Variants in VPS35L observed in about 807,000 individuals in gnomAD.
VPS35L encodes the protein VPS35 endosomal protein-sorting factor-like.
Under a neutral mutation model 133.0 loss-of-function variants are expected in VPS35L, and 83 were observed. The ratio of observed to expected loss-of-function variants is 0.62; its 90% CI spans 0.52 to 0.75. VPS35L has a LOEUF of 0.75. Among genes scored for constraint, VPS35L ranks in the 30% least tolerant of loss-of-function variants. The pLI is 0.00. For missense variants in VPS35L, 1,083 were observed against 1,206.8 expected (o/e 0.90, Z 1.52); for synonymous variants, 423 against 449.9 (o/e 0.94, Z 0.76).
chr16:19,684,811 C>G (rs1229245580), intron 28 of VPS35L, among the ~76,000 whole-genome samples: 1 of 152,154 alleles, frequency 6.6e-6, no homozygotes, highest in African/African-American at 2.4e-5. Flanking sequence ...AATCCCAGCA[C>G]TTTGGGGGGC....
At chr16:19,627,160 G>A (rs1973290871) in intron 15 of VPS35L, among the ~76,000 whole-genome samples, 1 of 151,882 alleles carries the variant, frequency 6.6e-6, no homozygotes, top group South Asian at 2.1e-4. Flanking sequence ...GCGCATGCCT[G>A]TAATCTCAGT....
intron 6 of VPS35L, among the ~76,000 whole-genome samples, chr16:19,580,592 C>CA (rs1971679045): frequency 6.6e-6 from 1 of 152,042 alleles, no homozygotes; most frequent in South Asian, 2.1e-4. Flanking sequence ...GGGACCGTGC[C>CA]AAGTCATTAC....
chr16:19,585,327 C>T (rs1971828443), intron 7 of VPS35L, among the ~76,000 whole-genome samples: 1 of 152,082 alleles, frequency 6.6e-6, no homozygotes, highest in African/African-American at 2.4e-5. Flanking sequence ...ATGGCTGCAC[C>T]ATTTACCTGA....
chr16:19,573,272 A>G, intron 4 of VPS35L, 31 bp downstream of exon 4: 5 of 1,596,578 alleles, frequency 3.1e-6, no homozygotes, highest in Non-Finnish European at 4.3e-6. Flanking sequence ...TCCAGAGTCT[A>G]CTTTGGAGTT....
chr16:19,572,997 A>G (rs1971428783), intron 3 of VPS35L, 122 bp from the exon 4 acceptor site: 1 of 1,170,444 alleles, frequency 8.5e-7, no homozygotes, highest in Admixed American at 2.9e-5. Context: ...TTATGATAGT[A>G]AACCTTGAGA....
chr16:19,659,897 A>G (rs1313956037), intron 26 of VPS35L, among the ~76,000 whole-genome samples: 1 of 152,214 alleles, frequency 6.6e-6, no homozygotes, highest in Non-Finnish European at 1.5e-5. Flanking sequence ...AATGTTGAAG[A>G]TGGGTAAAGA....
In VPS35L at chr16:19,591,770, C is replaced by G. The variant is rs1236691504; in HGVS notation, c.640-20C>G. 4 of 1,585,282 alleles carry G rather than the reference C, an allele frequency of 2.5e-6. No homozygotes were observed. Among genetic ancestry groups the G allele is most frequent in the South Asian group, 1.1e-5 (1 of 90,502 alleles). ...CCAGACATGCCAGAGTGAATTTTCT[C>G]TTTTTTTCTCTTTTTTTAGTGTTCA... On this transcript the variant is annotated intron_variant, in intron 7 of 30. Coordinates refer to ENST00000417362, the MANE Select transcript of VPS35L (RefSeq NM_020314.7).
Position 19,601,711 on chromosome 16 carries a change from A to C in VPS35L, c.772A>C (p.Ser258Arg). Residue 258 changes from serine to arginine, a missense_variant, in exon 9 of 31, where the codon AGC becomes CGC. Physicochemically the swap from Ser to Arg is moderately radical, Grantham distance 110 (BLOSUM62 -1). Transcript: ENST00000417362. The stretch of plus-strand genomic sequence containing the variant: ...CTTTTCCATGTGTGTGGATAGCCGC[A>C]GCGTCTTACCAGGTAATGTCGCAGC... ...RIFSMCVDSR[S>R]VLPDHFSPEN... is the part of the protein sequence containing the mutation. 6.2e-7 allele frequency: 1 copy of C among 1,614,164 alleles called. No homozygotes were observed. Among genetic ancestry groups the C allele is most frequent in the Non-Finnish European group, 8.5e-7 (1 of 1,180,030 alleles).
At chr16:19,571,384 T>G (rs1971380219) in intron 3 of VPS35L, among the ~76,000 whole-genome samples, 1 of 151,962 alleles carries the variant, frequency 6.6e-6, no homozygotes, top group African/African-American at 2.4e-5. Context: ...ACTCAGCTAA[T>G]TTTGGATTTT....
chr16:19,696,179 C>G (rs116281589), intron 29 of VPS35L, among the ~76,000 whole-genome samples: 1 of 152,142 alleles, frequency 6.6e-6, no homozygotes, highest in Non-Finnish European at 1.5e-5. Context: ...CCACCGTGCC[C>G]GGCTATCCTT....
chr16:19,646,705 T>C (rs1446398683), intron 23 of VPS35L, among the ~76,000 whole-genome samples: 2 of 151,380 alleles, frequency 1.3e-5, no homozygotes, highest in African/African-American at 4.8e-5. Flanking sequence ...ACCCCTGCCA[T>C]ATTCTACTGC....
intron 20 of VPS35L, among the ~76,000 whole-genome samples, chr16:19,638,439 C>T (rs1327202232): frequency 1.3e-5 from 2 of 152,116 alleles, no homozygotes; most frequent in African/African-American, 2.4e-5. Context: ...TGCCTGAAAC[C>T]GCAGATAGAA....
At chr16:19,627,572 G>T in intron 15 of VPS35L, 122 bp from the exon 16 acceptor site, 17 of 719,890 alleles carry the variant, frequency 2.4e-5, no homozygotes, top group Middle Eastern at 2.8e-4. Context: ...CTGATTTTTT[G>T]TTTTTCCCCA....
intron 29 of VPS35L, 51 bp downstream of exon 29, chr16:19,691,522 T>C: frequency 6.8e-7 from 1 of 1,467,190 alleles, no homozygotes; most frequent in Non-Finnish European, 9.5e-7. Flanking sequence ...AAAGCACAAG[T>C]TTCCAGGGTG....
At chr16:19,687,542 G>A (rs565505094) in intron 28 of VPS35L, among the ~76,000 whole-genome samples, 3 of 152,260 alleles carry the variant, frequency 2.0e-5, no homozygotes, top group South Asian at 2.1e-4. Context: ...GGTGTCAGAC[G>A]AGCAATCAAT....
chr16:19,695,020 AAAAGAC>A (rs1471758040), intron 29 of VPS35L, among the ~76,000 whole-genome samples: 1 of 151,224 alleles, frequency 6.6e-6, no homozygotes, highest in African/African-American at 2.5e-5. Flanking sequence ...AAAAAAAAAA[AAAAGAC>A]AGAGCTCAAG....
chr16:19,569,225 A>G (rs746688034), intron 2 of VPS35L, 199 bp from the exon 3 acceptor site: 2 of 731,060 alleles, frequency 2.7e-6, no homozygotes, highest in South Asian at 1.5e-5. Flanking sequence ...CTAACTTCCT[A>G]CTTTCCCTTC....
At chr16:19,605,165 G>A (rs563799215) in intron 9 of VPS35L, among the ~76,000 whole-genome samples, 160 of 152,268 alleles carry the variant, frequency 1.1e-3, no homozygotes, top group African/African-American at 3.8e-3. Flanking sequence ...CTCGCTGCTA[G>A]GGTAGAGACT....
chr16:19,557,121 C>T (rs903285775), intron 1 of VPS35L, among the ~76,000 whole-genome samples: 1 of 151,996 alleles, frequency 6.6e-6, no homozygotes, highest in African/African-American at 2.4e-5. Flanking sequence ...AACAGTGAGA[C>T]TCTGTCTCAA....
Sources: allele counts gnomAD v4.1 joint callset (sites outside exome capture counted in the v4.1 genomes callset), GRCh38; gene constraint gnomAD v4.1.1; transcripts MANE v1.5; gene names NCBI Gene and HGNC (gene_info 2026-07-23, HGNC 2026-07-21).